ADGRL3: variants seen among roughly 807,000 people sequenced by gnomAD.
The protein encoded by ADGRL3 is adhesion G protein-coupled receptor L3, also known as calcium-independent alpha-latrotoxin receptor 3.
Under a neutral mutation model 153.5 loss-of-function variants are expected in ADGRL3, and 62 were observed. That is an observed-to-expected ratio of 0.40 (90% CI 0.33 to 0.50). The LOEUF (loss-of-function observed/expected upper bound fraction) is 0.50. ADGRL3 is among the 20% of genes least tolerant of loss of function. The pLI is 0.47. For missense variants in ADGRL3, 1,641 were observed against 1,859.4 expected (o/e 0.88, Z 2.16); for synonymous variants, 710 against 672.5 (o/e 1.06, Z -0.86).
At chr4:61,744,097 G>A (rs928851690) in intron 8 of ADGRL3, among the ~76,000 whole-genome samples, 3 of 152,156 alleles carry the variant, frequency 2.0e-5, no homozygotes, top group African/African-American at 7.2e-5. Context: ...GGCCCATGGA[G>A]TCTCGCTGAT....
intron 2 of ADGRL3, among the ~76,000 whole-genome samples, chr4:61,407,371 A>T (rs902261868): frequency 6.6e-6 from 1 of 152,166 alleles, no homozygotes; most frequent in East Asian, 1.9e-4. Context: ...TAATGAAAAA[A>T]TAGTCTCTGC....
intron 3 of ADGRL3, among the ~76,000 whole-genome samples, chr4:61,505,413 T>G (rs2098421443): frequency 6.6e-6 from 1 of 152,242 alleles, no homozygotes; most frequent in African/African-American, 2.4e-5. Context: ...TAAAAATTAA[T>G]AATTGTCCAT....
chr4:61,993,788 G>T (rs1225618934), intron 19 of ADGRL3, among the ~76,000 whole-genome samples: 5 of 151,756 alleles, frequency 3.3e-5, no homozygotes, highest in African/African-American at 1.2e-4. Flanking sequence ...TGACAAGCTA[G>T]CCTATGGTCA....
chr4:61,414,268 A>G (rs1189355644), intron 2 of ADGRL3, among the ~76,000 whole-genome samples: 1 of 152,202 alleles, frequency 6.6e-6, no homozygotes, highest in African/African-American at 2.4e-5. Flanking sequence ...GTTAGGTCTA[A>G]TTAAAATATG....
intron 9 of ADGRL3, among the ~76,000 whole-genome samples, chr4:61,865,097 G>T (rs767483138): frequency 6.6e-6 from 1 of 152,044 alleles, no homozygotes; most frequent in Non-Finnish European, 1.5e-5. Context: ...AATGAGATTG[G>T]TTTACACTAA....
Position 61,438,332 on chromosome 4 carries a change from TTTTTTA to T in ADGRL3, c.-174+55159_-174+55164del, listed in dbSNP as rs1252354086. 4.0e-4 allele frequency among the ~76,000 whole-genome samples: 40 copies of T among 99,050 alleles called. 1 individual carries two copies. Among genetic ancestry groups the T allele is most frequent in the Admixed American group, 1.3e-3 (15 of 11,488 alleles). The allele number at this position is 99,050 out of a possible 152,430, so 65.0% of individuals were successfully genotyped here. On this transcript the variant is annotated intron_variant, in intron 2 of 26. Transcript: ENST00000683033. ...CATTAACCTGTTGTATCTCCTTCCT[TTTTTTA>T]TTTTTATTTTTATTTATTTATTTTT...
chr4:61,503,712 A>C (rs2098407771), intron 3 of ADGRL3, among the ~76,000 whole-genome samples: 1 of 152,112 alleles, frequency 6.6e-6, no homozygotes, highest in Non-Finnish European at 1.5e-5. Context: ...AATTTTAAGT[A>C]AAAATTTCAA....
chr4:61,761,179 G>A (rs2152193972), intron 8 of ADGRL3, among the ~76,000 whole-genome samples: 1 of 152,310 alleles, frequency 6.6e-6, no homozygotes, highest in Middle Eastern at 3.4e-3. Context: ...GAATCTTGTA[G>A]ACTCCAGCTT....
At chr4:61,775,783 T>G in intron 8 of ADGRL3, 2 of 782,694 alleles carry the variant, frequency 2.6e-6, no homozygotes, top group Non-Finnish European at 4.7e-6. Context: ...GAGGGCAGTC[T>G]TCAGCACCTC....
chr4:61,988,496 A>G (rs961225100), intron 19 of ADGRL3, among the ~76,000 whole-genome samples: 1 of 152,168 alleles, frequency 6.6e-6, no homozygotes, highest in Non-Finnish European at 1.5e-5. Flanking sequence ...GAAGATAATT[A>G]TAGCAAAGGC....
intron 9 of ADGRL3, among the ~76,000 whole-genome samples, chr4:61,887,042 T>G (rs947363274): frequency 4.6e-5 from 7 of 151,864 alleles, no homozygotes; most frequent in African/African-American, 1.5e-4. Flanking sequence ...TTTTTTTATT[T>G]TTAGTAGAGA....
At chr4:61,850,396 G>C (rs905336480) in intron 9 of ADGRL3, among the ~76,000 whole-genome samples, 3 of 152,038 alleles carry the variant, frequency 2.0e-5, no homozygotes, top group African/African-American at 7.2e-5. Context: ...CTATTATTCA[G>C]CTTACCAATA....
At chr4:61,481,877 C>A (rs189228377) in intron 2 of ADGRL3, among the ~76,000 whole-genome samples, 1 of 152,130 alleles carries the variant, frequency 6.6e-6, no homozygotes, top group East Asian at 1.9e-4. Context: ...TGTGATTAGA[C>A]TGTCATTTCC....
chr4:61,953,461 TG>T (rs2098954990), intron 17 of ADGRL3, among the ~76,000 whole-genome samples: 1 of 152,192 alleles, frequency 6.6e-6, no homozygotes, highest in South Asian at 2.1e-4. Context: ...TCCACATTTT[TG>T]ATCACCTAAG....
intron 1 of ADGRL3, among the ~76,000 whole-genome samples, chr4:61,307,359 A>AT (rs949465517): frequency 2.8e-4 from 43 of 152,132 alleles, no homozygotes; most frequent in Non-Finnish European, 5.9e-5. Context: ...TTGTGAGGTA[A>AT]TTTTTTATCA....
At chr4:61,604,817 A>G (rs555871619) in intron 5 of ADGRL3, among the ~76,000 whole-genome samples, 2 of 152,280 alleles carry the variant, frequency 1.3e-5, no homozygotes, top group South Asian at 2.1e-4. Context: ...GTGGCCAGGA[A>G]CAATGGCTCA....
At chr4:61,769,005 C>A (rs888566166) in intron 8 of ADGRL3, among the ~76,000 whole-genome samples, 1 of 150,188 alleles carries the variant, frequency 6.7e-6, no homozygotes, top group Non-Finnish European at 1.5e-5. Flanking sequence ...GTTCTTGCCC[C>A]CTAGGAAAGC....
chr4:61,638,210 A>C (rs1262916418), intron 5 of ADGRL3, among the ~76,000 whole-genome samples: 1 of 152,196 alleles, frequency 6.6e-6, no homozygotes, highest in East Asian at 1.9e-4. Context: ...TCACCAATAG[A>C]AAGGGACAAA....
chr4:61,946,643 G>C (rs1480693764), intron 15 of ADGRL3, among the ~76,000 whole-genome samples: 2 of 152,032 alleles, frequency 1.3e-5, no homozygotes, highest in African/African-American at 2.4e-5. Flanking sequence ...TTATGATTCT[G>C]GTTTTTATGT....
Sources: gnomAD v4.1 joint callset for allele counts (sites outside exome capture counted in the v4.1 genomes callset) on GRCh38, gnomAD v4.1.1 for gene constraint, MANE v1.5 for transcripts, NCBI Gene and HGNC (gene_info 2026-07-23, HGNC 2026-07-21) for gene names.